DNAH6: variants seen among roughly 807,000 people sequenced by gnomAD.
DNAH6 encodes dynein axonemal heavy chain 6.
Under a neutral mutation model 491.4 loss-of-function variants are expected in DNAH6, and 340 were observed. That is an observed-to-expected ratio of 0.69 (90% confidence interval 0.63 to 0.76). The LOEUF is 0.76. DNAH6 is among the 30% of genes least tolerant of loss of function. DNAH6 has a pLI of 0.00. For missense variants in DNAH6, 4,443 were observed against 4,972.2 expected (o/e 0.89, Z 3.20); for synonymous variants, 1,603 against 1,686.1 (o/e 0.95, Z 1.21).
chr2:84,803,867 CA>C (rs949718469), intron 70 of DNAH6, among the ~76,000 whole-genome samples: 4 of 152,044 alleles, frequency 2.6e-5, no homozygotes, highest in Non-Finnish European at 4.4e-5. Flanking sequence ...TAAAGAATTT[CA>C]AAAATGGTGG....
At chr2:84,581,815 G>T (rs1403769489) in intron 14 of DNAH6, among the ~76,000 whole-genome samples, 1 of 152,190 alleles carries the variant, frequency 6.6e-6, no homozygotes, top group Non-Finnish European at 1.5e-5. Context: ...GACTTAATGG[G>T]CAACTGAATG....
chr2:84,611,395 G>A (rs1686315710), intron 21 of DNAH6, among the ~76,000 whole-genome samples: 1 of 152,028 alleles, frequency 6.6e-6, no homozygotes, highest in South Asian at 2.1e-4. Context: ...GCTGCCCCCT[G>A]AATCTCTCCT....
chr2:84,590,624 A>G (rs1382232254), intron 16 of DNAH6, among the ~76,000 whole-genome samples: 2 of 152,040 alleles, frequency 1.3e-5, no homozygotes, highest in African/African-American at 2.4e-5. Flanking sequence ...TCCCTTGGAC[A>G]CACTGACTCA....
the DNAH6 span, among the ~76,000 whole-genome samples, chr2:84,467,854 C>A: frequency 0.068 from 10,284 of 152,264 alleles, 765 homozygotes; most frequent in African/African-American, 0.18. Context: ...AATCTAATGG[C>A]TTTAAGGTAG....
At chr2:84,766,348 A>G (rs1014660627) in intron 64 of DNAH6, among the ~76,000 whole-genome samples, 4 of 152,228 alleles carry the variant, frequency 2.6e-5, no homozygotes, top group African/African-American at 9.6e-5. Context: ...TCTGACCACA[A>G]TAAAATCTTG....
chr2:84,685,301 T>G, intron 42 of DNAH6, 25 bp from the exon 43 acceptor site: 3 of 1,427,078 alleles, frequency 2.1e-6, no homozygotes, highest in Non-Finnish European at 2.8e-6. Context: ...TTTTTCTTTT[T>G]TTTTTTCCTT....
chr2:84,465,343 A>G, the DNAH6 span, among the ~76,000 whole-genome samples: 1 of 152,002 alleles, frequency 6.6e-6, no homozygotes, highest in Non-Finnish European at 1.5e-5. Flanking sequence ...AAAATACAAA[A>G]AATTAGCCGG....
intron 55 of DNAH6, 54 bp from the exon 56 acceptor site, chr2:84,710,233 T>C: frequency 6.6e-7 from 1 of 1,514,346 alleles, no homozygotes. Context: ...TTTCGCTTTC[T>C]AGCCATTTAT....
intron 71 of DNAH6, among the ~76,000 whole-genome samples, chr2:84,806,455 T>C (rs1490405599): frequency 6.6e-6 from 1 of 151,708 alleles, no homozygotes; most frequent in African/African-American, 2.4e-5. Context: ...CCATCTCTAC[T>C]AAAAATACAA....
intron 26 of DNAH6, 41 bp downstream of exon 26, chr2:84,621,592 G>A (rs542150828): frequency 9.6e-6 from 12 of 1,249,070 alleles, no homozygotes; most frequent in Admixed American, 5.2e-5. Flanking sequence ...CCTGCAAGAT[G>A]GTCTTGGTGG....
At chr2:84,553,628 A>ATTTTTTTTTTTT (rs748931607) in intron 10 of DNAH6, among the ~76,000 whole-genome samples, 5 of 90,998 alleles carry the variant, frequency 5.5e-5, no homozygotes, top group East Asian at 7.0e-4. Context: ...AGGACTGGCT[A>ATTTTTTTTTTTT]TTTTTTTTTT....
chr2:84,610,334 A>G (rs1686204153), intron 21 of DNAH6, among the ~76,000 whole-genome samples: 1 of 152,294 alleles, frequency 6.6e-6, no homozygotes, highest in African/African-American at 2.4e-5. Flanking sequence ...AATTATGTAC[A>G]TTCTGTTACC....
intron 29 of DNAH6, 115 bp from the exon 30 acceptor site, chr2:84,634,389 T>A (rs978653685): frequency 1.8e-6 from 2 of 1,108,542 alleles, no homozygotes; most frequent in Non-Finnish European, 2.4e-6. Context: ...CACATAAAAC[T>A]ATTGCTTATT....
At chr2:84,814,268 G>A (rs1573891089) in intron 75 of DNAH6, 146 bp downstream of exon 75, 2 of 748,236 alleles carry the variant, frequency 2.7e-6, no homozygotes, top group East Asian at 5.6e-5. Flanking sequence ...TCCAAGATAA[G>A]CTCCCCAATT....
intron 4 of DNAH6, among the ~76,000 whole-genome samples, chr2:84,529,907 G>T (rs1221628241): frequency 1.3e-5 from 2 of 152,200 alleles, no homozygotes; most frequent in Non-Finnish European, 2.9e-5. Context: ...AGATGACACT[G>T]AGGGCAGCTC....
At chr2:84,730,799 C>A (rs748825152) in intron 61 of DNAH6, among the ~76,000 whole-genome samples, 1 of 152,114 alleles carries the variant, frequency 6.6e-6, no homozygotes, top group African/African-American at 2.4e-5. Context: ...TTTGCGCAGA[C>A]CAGTGATTTG....
At chr2:84,511,327 G>A in the DNAH6 span, among the ~76,000 whole-genome samples, 14 of 152,340 alleles carry the variant, frequency 9.2e-5, 1 homozygote, top group South Asian at 2.9e-3. Flanking sequence ...TCAGACTGCT[G>A]TGCTAGCAAT....
At chr2:84,774,327 T>C (rs1336372198) in intron 64 of DNAH6, among the ~76,000 whole-genome samples, 1 of 152,134 alleles carries the variant, frequency 6.6e-6, no homozygotes, top group Non-Finnish European at 1.5e-5. Context: ...GAAAATCTTT[T>C]CCCCATTGTT....
At chr2:84,559,639 A>G (rs1209756456) in intron 11 of DNAH6, among the ~76,000 whole-genome samples, 1 of 152,176 alleles carries the variant, frequency 6.6e-6, no homozygotes, top group Non-Finnish European at 1.5e-5. Flanking sequence ...TACTGACAGA[A>G]CAGAATGCTC....
Sources: gnomAD v4.1 joint callset for allele counts (sites outside exome capture counted in the v4.1 genomes callset) on GRCh38, gnomAD v4.1.1 for gene constraint, MANE v1.5 for transcripts, NCBI Gene and HGNC (gene_info 2026-07-23, HGNC 2026-07-21) for gene names.